The following EGF variants were observed in gnomAD, a reference collection of about 807,000 sequenced individuals.
EGF encodes the protein epidermal growth factor.
Under a neutral mutation model 143.8 loss-of-function variants are expected in EGF, and 95 were observed. The ratio of observed to expected loss-of-function variants is 0.66; its 90% confidence interval spans 0.56 to 0.78. The LOEUF (loss-of-function observed/expected upper bound fraction) is 0.78. Ranked by LOEUF, EGF falls within the 30% of genes least tolerant of loss-of-function variation. The pLI is 0.00. For synonymous variants in EGF, 510 were observed against 510.5 expected (o/e 1.00, Z 0.01); for missense variants, 1,320 against 1,470.9 (o/e 0.90, Z 1.68).
intron 7 of EGF, 129 bp from the exon 8 acceptor site, chr4:109,961,734 C>T (rs1745728794): frequency 4.1e-6 from 5 of 1,221,914 alleles, no homozygotes; most frequent in Non-Finnish European, 5.9e-6. Flanking sequence ...CACAGTGGCT[C>T]ACACCTGTAA....
chr4:109,983,503 A>G lies in EGF; in HGVS notation c.2453A>G (p.Glu818Gly). The change falls in exon 16 of 24, where the codon GAA becomes GGA. Residue 818 changes from glutamate to glycine, a missense_variant. Physicochemically the swap from Glu to Gly is moderately conservative, Grantham distance 98. This residue lies in a region of EGF where 1,186 missense variants were observed against 1,313.7 expected (regional missense o/e 0.90). Transcript: ENST00000265171. Reference protein sequence around the residue: ...KTRVSEDNITESQHMLVAEIM... With the variant: ...KTRVSEDNITGSQHMLVAEIM... Reference sequence around the variant, plus strand: ...AGAGTGTCAGAAGATAACATTACAGAATCTCAACACATGCTAGTGGCTGAA... The same window carrying G: ...AGAGTGTCAGAAGATAACATTACAGGATCTCAACACATGCTAGTGGCTGAA... 6.2e-7 allele frequency: 1 copy of G among 1,613,848 alleles called. No homozygotes were observed. Among genetic ancestry groups the G allele is most frequent in the Admixed American group, 1.7e-5 (1 of 60,018 alleles).
chr4:109,993,358 T>G lies in EGF; in HGVS notation c.2846T>G (p.Leu949Arg). The change falls in exon 19 of 24, where the codon CTG becomes CGG. Residue 949 changes from leucine (L) to arginine (R), a missense_variant. This residue lies in a region of EGF where 1,186 missense variants were observed against 1,313.7 expected (regional missense o/e 0.90). Transcript: ENST00000265171. ...MCAGRLSEPG[L>R]ICPDSTPPPH... ...GCTGGACGCCTGTCTGAACCAGGAC[T>G]GATTTGCCCTGGTAGGTTGGTGGGT... 6.2e-7 allele frequency: 1 copy of G among 1,613,512 alleles called. No individual in the cohort carries two copies.
At chr4:109,940,661 T>C (rs1163381173) in intron 1 of EGF, 2 of 349,442 alleles carry the variant, frequency 5.7e-6, no homozygotes, top group African/African-American at 4.1e-5. Context: ...CATAAAAAGG[T>C]ATTTTATGGA....
At chr4:110,008,081 G>T in intron 22 of EGF, 71 bp from the exon 23 acceptor site, 1 of 1,370,208 alleles carries the variant, frequency 7.3e-7, no homozygotes, top group South Asian at 1.2e-5. Context: ...CATAGACTTT[G>T]ATTCAATGTA....
chr4:109,988,617 G>A lies in EGF; in HGVS notation c.2642G>A (p.Cys881Tyr). The A allele has an allele frequency of 6.2e-7, 1 of 1,613,996 alleles. No individual in the cohort carries two copies. The highest frequency in any genetic ancestry group is 8.5e-7 in the Non-Finnish European group (1 of 1,179,928). The change falls in exon 18 of 24, where the codon TGC becomes TAC. Residue 881 changes from cysteine to tyrosine, a missense_variant. Around this residue, in one of 5 missense-constraint regions of EGF, gnomAD observed 1,186 missense variants for 1,313.7 expected, o/e 0.90. Transcript: ENST00000265171. ...GAATGTGAGATGGGTGTCCCAGTGT[G>A]CCCCCCTGCCTCCTCCAAGTGCATC... is the stretch of plus-strand genomic sequence containing the variant. The part of the protein sequence containing the change: ...IDECEMGVPV[C>Y]PPASSKCINT...
intron 1 of EGF, among the ~76,000 whole-genome samples, chr4:109,919,563 C>T (rs1481178935): frequency 6.6e-6 from 1 of 152,138 alleles, no homozygotes; most frequent in African/African-American, 2.4e-5. Context: ...TTGTCCTCCT[C>T]CCCTCTCCAC....
chr4:109,993,158 T>C, intron 18 of EGF, 89 bp from the exon 19 acceptor site: 1 of 1,563,730 alleles, frequency 6.4e-7, no homozygotes, highest in African/African-American at 1.4e-5. Context: ...CAGAAGCTGA[T>C]GAAGCTCCTC....
intron 10 of EGF, 136 bp downstream of exon 10, chr4:109,964,673 T>C (rs1194677391): frequency 3.6e-5 from 46 of 1,290,120 alleles, no homozygotes; most frequent in East Asian, 4.7e-5. Flanking sequence ...AAGTTAAATA[T>C]AGATATTGGA....
At chr4:109,988,927 G>A (rs192039622) in intron 18 of EGF, among the ~76,000 whole-genome samples, 4 of 152,308 alleles carry the variant, frequency 2.6e-5, no homozygotes, top group Admixed American at 2.0e-4. Flanking sequence ...TCAGCTTCAA[G>A]CCCCTTTGGA....
intron 1 of EGF, among the ~76,000 whole-genome samples, chr4:109,924,766 A>C (rs1249472875): frequency 1.3e-5 from 2 of 152,336 alleles, no homozygotes; most frequent in Non-Finnish European, 2.9e-5. Context: ...TCTTATTCCT[A>C]GGATGAGCTT....
intron 5 of EGF, among the ~76,000 whole-genome samples, chr4:109,949,307 T>A (rs2126024455): frequency 6.6e-6 from 1 of 152,240 alleles, no homozygotes; most frequent in South Asian, 2.1e-4. Context: ...CCTCAGGTGA[T>A]CCACCTGCCT....
intron 13 of EGF, among the ~76,000 whole-genome samples, chr4:109,978,827 G>T (rs11569004): frequency 1.2e-4 from 19 of 152,206 alleles, no homozygotes; most frequent in Non-Finnish European, 2.2e-4. Context: ...AGACTAGAAT[G>T]AATCTTAATG....
intron 5 of EGF, among the ~76,000 whole-genome samples, chr4:109,947,174 C>A (rs1743007595): frequency 9.9e-6 from 1 of 100,670 alleles, no homozygotes; most frequent in African/African-American, 7.7e-5. Context: ...CACAAGGGGC[C>A]TACAGAAAAA....
In EGF at chr4:109,963,127, A is replaced by G. The variant is rs1560698423; in HGVS notation, c.1313-46A>G. 2.5e-6 allele frequency: 4 copies of G among 1,606,472 alleles called. No individual in the cohort carries two copies. In the Admixed American group the frequency reaches 6.7e-5, roughly 27 times the overall value. ...CCCCATCCTTTGATGAAAAATAATT[A>G]TATTTTGGATGACGTAGCATCATTA... On this transcript the variant is annotated intron_variant, in intron 8 of 23. Transcript: ENST00000265171.
chr4:109,935,939 C>T (rs555512714), intron 1 of EGF, among the ~76,000 whole-genome samples: 29 of 152,108 alleles, frequency 1.9e-4, no homozygotes, highest in African/African-American at 5.5e-4. Context: ...TTGCTGGATC[C>T]GGTTTGCCAG....
At chr4:109,987,464 ACCATGTTGCCCAGGCTG>A (rs1359181336) in intron 16 of EGF, among the ~76,000 whole-genome samples, 3 of 152,064 alleles carry the variant, frequency 2.0e-5, no homozygotes, top group Non-Finnish European at 4.4e-5. Flanking sequence ...ACAGAGTTTC[ACCATGTTGCCCAGGCTG>A]GTCTCGAACT....
rs182337854 is a variant in EGF at position 109,946,106 on chromosome 4, G to A, written c.940+831G>A. On this transcript the variant is annotated intron_variant, in intron 5 of 23. Coordinates refer to ENST00000265171, the MANE Select transcript of EGF (RefSeq NM_001963.6). ...CACCCCCAGTTTCTAATCCAACACC[G>A]AATCCATTCCATTCTACCTTCTAAA... Among the ~76,000 whole-genome samples the A allele has an allele frequency of 1.0e-3, 154 of 152,162 alleles. 1 individual carries two copies. Among genetic ancestry groups the A allele is most frequent in the African/African-American group, 3.4e-3 (140 of 41,500 alleles).
intron 20 of EGF, among the ~76,000 whole-genome samples, chr4:109,997,540 C>T (rs1751984284): frequency 6.6e-6 from 1 of 152,046 alleles, no homozygotes; most frequent in African/African-American, 2.4e-5. Context: ...CAGCTCACTG[C>T]AAGCTCCGCC....
chr4:110,011,343 G>A lies in EGF; in HGVS notation c.3512G>A (p.Gly1171Glu). The A allele has an allele frequency of 4.3e-6, 7 of 1,614,052 alleles. No homozygotes were observed. The highest frequency in any genetic ancestry group is 5.9e-6 in the Non-Finnish European group (7 of 1,180,006). ...CGAAGCTTTCATATGCCCTCCTATG[G>A]GACACAGACCCTTGAAGGGGGTGTC... is the stretch of plus-strand genomic sequence containing the variant. ...MERSFHMPSY[G>E]TQTLEGGVEK... is the part of the protein sequence containing the mutation. Residue 1171 changes from glycine (G) to glutamate (E), a missense_variant, in exon 24 of 24, where the codon GGG becomes GAG. Coordinates refer to ENST00000265171, the MANE Select transcript of EGF (RefSeq NM_001963.6).
Sources: gnomAD v4.1 joint callset for allele counts (sites outside exome capture counted in the v4.1 genomes callset) on GRCh38, gnomAD v4.1.1 for gene constraint, gnomAD v4.1.1 regional missense constraint, MANE v1.5 for transcripts, NCBI Gene and HGNC (gene_info 2026-07-23, HGNC 2026-07-21) for gene names.